UBE2D2: variants seen among roughly 807,000 people sequenced by gnomAD.
The protein encoded by UBE2D2 is ubiquitin-conjugating enzyme E2 D2.
Under a neutral mutation model 24.2 loss-of-function variants are expected in UBE2D2, and 2 were observed. The observed-to-expected ratio is 0.08, with a 90% CI of 0.03 to 0.26. The LOEUF is 0.26. Among genes scored for constraint, UBE2D2 ranks in the 10% least tolerant of loss-of-function variants. The probability of loss-of-function intolerance (pLI) is 1.00; values close to 1 mark genes in which losing one functional copy is unlikely to be tolerated. For missense variants in UBE2D2, 44 were observed against 177.6 expected, an observed-to-expected ratio of 0.25 and a Z score of 4.28; for synonymous variants, 58 against 56.5, an observed-to-expected ratio of 1.03 and a Z score of -0.12.
At chr5:139,565,796 G>A (rs1412274222) in intron 1 of UBE2D2, among the ~76,000 whole-genome samples, 1 of 152,212 alleles carries the variant, frequency 6.6e-6, no homozygotes, top group East Asian at 1.9e-4. Flanking sequence ...GAAGTATTTG[G>A]TTAATTTCTC....
At chr5:139,612,540 T>G (rs566087673) in intron 2 of UBE2D2, among the ~76,000 whole-genome samples, 2 of 152,254 alleles carry the variant, frequency 1.3e-5, no homozygotes, top group Admixed American at 1.3e-4. Context: ...CAGCTTTGAG[T>G]GGAAATGCAG....
At chr5:139,596,003 C>T (rs1753952320) in intron 1 of UBE2D2, among the ~76,000 whole-genome samples, 2 of 149,312 alleles carry the variant, frequency 1.3e-5, no homozygotes, top group Admixed American at 6.7e-5. Flanking sequence ...AGGCAATTCT[C>T]CTGCCTCAGC....
rs541869474 is a variant in UBE2D2, at chr5:139,614,634, A to G, written c.120+17A>G. 2.7e-5 allele frequency: 44 copies of G among 1,613,884 alleles called. No individual in the cohort carries two copies. The Admixed American group carries it at 4.8e-4, about 18-fold the overall frequency. ...ATGGGGCCAGTAAGTATTCAGATTA[A>G]TTTCAGAATAAACAGTTTATGTAAT... is the stretch of plus-strand genomic sequence containing the variant. On this transcript the variant is annotated intron_variant, in intron 3 of 6. Transcript: ENST00000398733.
intron 1 of UBE2D2, chr5:139,555,133 CG>C (rs1554076308): frequency 1.3e-5 from 2 of 151,992 alleles, no homozygotes; most frequent in Non-Finnish European, 2.9e-5. Flanking sequence ...GCAACTTCTG[CG>C]TCCCAGGTTC....
intron 1 of UBE2D2, among the ~76,000 whole-genome samples, chr5:139,597,100 G>A (rs1476479127): frequency 6.6e-6 from 1 of 151,618 alleles, no homozygotes; most frequent in Non-Finnish European, 1.5e-5. Flanking sequence ...GGGTATTACA[G>A]TAACATTTAG....
chr5:139,601,768 A>G (rs1318401689), intron 2 of UBE2D2, among the ~76,000 whole-genome samples: 1 of 151,856 alleles, frequency 6.6e-6, no homozygotes, highest in East Asian at 2.0e-4. Context: ...AAATTTAGCC[A>G]GGCATGGTGA....
At chr5:139,585,369 C>T (rs1753707667) in intron 1 of UBE2D2, among the ~76,000 whole-genome samples, 1 of 152,010 alleles carries the variant, frequency 6.6e-6, no homozygotes, top group Non-Finnish European at 1.5e-5. Flanking sequence ...TGTGCTACCA[C>T]ATCCCCGCTA....
chr5:139,555,924 CAAAAAAA>C (rs1168084041), intron 1 of UBE2D2, among the ~76,000 whole-genome samples: 25 of 9,290 alleles, frequency 2.7e-3, no homozygotes, highest in Non-Finnish European at 4.4e-3. Flanking sequence ...GACTCCATCT[CAAAAAAA>C]AAAAAAAAAA....
intron 1 of UBE2D2, among the ~76,000 whole-genome samples, chr5:139,533,171 A>C (rs1752619153): frequency 6.6e-6 from 1 of 152,054 alleles, no homozygotes; most frequent in African/African-American, 2.4e-5. Flanking sequence ...TAGGGGATAT[A>C]CATACACATA....
intron 1 of UBE2D2, among the ~76,000 whole-genome samples, chr5:139,590,377 G>A (rs1753816623): frequency 6.6e-6 from 1 of 150,772 alleles, no homozygotes; most frequent in Admixed American, 6.6e-5. Context: ...GGAGGTTGCA[G>A]TGAGCTGAGA....
At chr5:139,530,986 A>G (rs1056811640) in intron 1 of UBE2D2, among the ~76,000 whole-genome samples, 3 of 152,228 alleles carry the variant, frequency 2.0e-5, no homozygotes, top group East Asian at 1.9e-4. Context: ...CAAGCATACT[A>G]TGTAAATCAC....
intron 1 of UBE2D2, among the ~76,000 whole-genome samples, chr5:139,571,408 A>G (rs944678565): frequency 2.0e-5 from 3 of 147,200 alleles, no homozygotes; most frequent in Non-Finnish European, 4.5e-5. Flanking sequence ...CTCCCTCTCA[A>G]AAAAAAAAAA....
intron 1 of UBE2D2, among the ~76,000 whole-genome samples, chr5:139,541,661 C>T (rs1752764285): frequency 6.9e-6 from 1 of 145,360 alleles, no homozygotes; most frequent in Admixed American, 6.9e-5. Context: ...GTAGTCAGAA[C>T]TACTCAGTAG....
chr5:139,543,707 A>G (rs563630818), intron 1 of UBE2D2, among the ~76,000 whole-genome samples: 1 of 152,344 alleles, frequency 6.6e-6, no homozygotes, highest in South Asian at 2.1e-4. Flanking sequence ...CCAGATCCCA[A>G]TTCTTTCCTG....
At chr5:139,574,456 A>G (rs1323284033) in intron 1 of UBE2D2, among the ~76,000 whole-genome samples, 2 of 151,854 alleles carry the variant, frequency 1.3e-5, no homozygotes. Context: ...TATACAGAGA[A>G]TCTCTTCTCA....
chr5:139,593,586 TATGTAAC>T (rs1349780811), intron 1 of UBE2D2, among the ~76,000 whole-genome samples: 1 of 152,130 alleles, frequency 6.6e-6, no homozygotes, highest in Non-Finnish European at 1.5e-5. Context: ...AATAAACACA[TATGTAAC>T]ATGTAACATT....
At chr5:139,615,940 A>G (rs940522520) in intron 5 of UBE2D2, among the ~76,000 whole-genome samples, 2 of 149,104 alleles carry the variant, frequency 1.3e-5, no homozygotes, top group East Asian at 2.0e-4. Context: ...GGTTCAAGCA[A>G]TTCTCCTGCC....
chr5:139,626,766 A>G lies in UBE2D2; in HGVS notation c.409A>G (p.Ile137Val). The G allele has an allele frequency of 6.2e-7, 1 of 1,614,002 alleles. No homozygotes were observed. The highest frequency in any genetic ancestry group is 8.5e-7 in the Non-Finnish European group (1 of 1,179,932). The change falls in exon 7 of 7, where the codon ATA (isoleucine) becomes GTA (valine). Residue 137 changes from isoleucine to valine, a missense_variant. By Grantham distance (29) the Ile-to-Val change is conservative. Around this residue, in one of 2 missense-constraint regions of UBE2D2, gnomAD observed 21 missense variants for 35.7 expected, o/e 0.59. Coordinates refer to ENST00000398733, the MANE Select transcript of UBE2D2 (RefSeq NM_003339.3). ...YKTDREKYNR[I>V]AREWTQKYAM ...TCTTTGTGTGTACAGGTACAACAGA[A>G]TAGCTCGGGAATGGACTCAGAAGTA...
chr5:139,528,118 C>T (rs769910447), intron 1 of UBE2D2, among the ~76,000 whole-genome samples: 8 of 152,228 alleles, frequency 5.3e-5, no homozygotes, highest in South Asian at 2.1e-4. Flanking sequence ...GTGTCTCTCA[C>T]GGCAGAGAGG....
Sources: allele counts gnomAD v4.1 joint callset (sites outside exome capture counted in the v4.1 genomes callset), GRCh38; gene constraint gnomAD v4.1.1; regional missense constraint gnomAD v4.1.1; transcripts MANE v1.5; gene names NCBI Gene and HGNC (gene_info 2026-07-23, HGNC 2026-07-21).